Variants in FBXL7 observed in about 807,000 individuals in gnomAD.
FBXL7 encodes F-box and leucine rich repeat protein 7.
FBXL7 carries 12 observed loss-of-function variants against 38.3 expected under a neutral mutation model. The ratio of observed to expected loss-of-function variants is 0.31; its 90% CI spans 0.20 to 0.51. The LOEUF (loss-of-function observed/expected upper bound fraction) is 0.51. Ranked by LOEUF, FBXL7 falls within the 20% of genes least tolerant of loss-of-function variation. The pLI is 0.98. For synonymous variants in FBXL7, 297 were observed against 300.9 expected (o/e 0.99, Z 0.13); for missense variants, 567 against 676.4 (o/e 0.84, Z 1.79).
chr5:15,744,090 C>T (rs566043964), intron 2 of FBXL7, among the ~76,000 whole-genome samples: 4 of 152,236 alleles, frequency 2.6e-5, no homozygotes, highest in Non-Finnish European at 5.9e-5. Context: ...AGACCTCTGA[C>T]ATGTCCTGGA....
At chr5:15,599,261 G>A (rs1224129929) in intron 1 of FBXL7, among the ~76,000 whole-genome samples, 2 of 152,124 alleles carry the variant, frequency 1.3e-5, no homozygotes, top group East Asian at 1.9e-4. Flanking sequence ...AGATTCTCAA[G>A]TTCAAGTCAC....
intron 1 of FBXL7, among the ~76,000 whole-genome samples, chr5:15,571,358 CT>C (rs1738775588): frequency 6.6e-6 from 1 of 152,024 alleles, no homozygotes; most frequent in Non-Finnish European, 1.5e-5. Context: ...TGTTGGGAAT[CT>C]CCAAAAACTT....
At chr5:15,701,693 A>G (rs941416451) in intron 2 of FBXL7, among the ~76,000 whole-genome samples, 2 of 152,214 alleles carry the variant, frequency 1.3e-5, no homozygotes, top group African/African-American at 4.8e-5. Flanking sequence ...TTCATGCAAT[A>G]AAAAAATGCA....
At chr5:15,755,191 A>C (rs1736264448) in intron 2 of FBXL7, among the ~76,000 whole-genome samples, 1 of 152,224 alleles carries the variant, frequency 6.6e-6, no homozygotes, top group Non-Finnish European at 1.5e-5. Context: ...AGCCTTGAAA[A>C]AGGCTCAGCT....
intron 2 of FBXL7, among the ~76,000 whole-genome samples, chr5:15,822,196 CAAA>C (rs5866161): frequency 7.8e-5 from 10 of 128,048 alleles, no homozygotes; most frequent in Admixed American, 1.6e-4. Context: ...ACTAAAAATA[CAAA>C]AAAAAAAAAA....
chr5:15,562,049 G>T (rs1472093145), intron 1 of FBXL7, among the ~76,000 whole-genome samples: 1 of 151,902 alleles, frequency 6.6e-6, no homozygotes, highest in Admixed American at 6.6e-5. Flanking sequence ...TCAATAAATG[G>T]TACAGGGAAA....
chr5:15,534,137 G>C (rs983362581), intron 1 of FBXL7, among the ~76,000 whole-genome samples: 4 of 152,044 alleles, frequency 2.6e-5, no homozygotes, highest in Admixed American at 2.6e-4. Context: ...CCACCAGAGT[G>C]GTATGTTTGT....
chr5:15,568,949 A>C (rs556955207), intron 1 of FBXL7, among the ~76,000 whole-genome samples: 1 of 152,164 alleles, frequency 6.6e-6, no homozygotes, highest in East Asian at 1.9e-4. Context: ...ATTGGTCTAT[A>C]TCTCTGTTTT....
At chr5:15,578,998 CT>C (rs1373999302) in intron 1 of FBXL7, among the ~76,000 whole-genome samples, 2 of 152,198 alleles carry the variant, frequency 1.3e-5, no homozygotes, top group African/African-American at 4.8e-5. Flanking sequence ...GATATACAGC[CT>C]TTGCCAACCT....
intron 1 of FBXL7, chr5:15,580,876 G>A: frequency 1.1e-6 from 1 of 942,008 alleles, no homozygotes; most frequent in South Asian, 4.9e-5. Flanking sequence ...GCTGGAAGGG[G>A]CATGGAAGAC....
Position 15,925,751 on chromosome 5 carries a change from CTA to C in FBXL7, c.128-2137_128-2136del, listed in dbSNP as rs752307339. ...AATATGTATTTTGAAGATAAATGCT[CTA>C]TGTGTGGATATGTATGTGTAGCTAT... On this transcript the variant is annotated intron_variant, in intron 2 of 3. Coordinates refer to ENST00000504595, the MANE Select transcript of FBXL7 (RefSeq NM_012304.5). 1.1e-3 allele frequency among the ~76,000 whole-genome samples: 173 copies of C among 152,254 alleles called. 4 individuals are homozygous for C. In the East Asian group the frequency reaches 0.029, roughly 25 times the overall value.
intron 2 of FBXL7, among the ~76,000 whole-genome samples, chr5:15,695,633 C>T (rs1016064162): frequency 6.6e-6 from 1 of 152,188 alleles, no homozygotes; most frequent in Non-Finnish European, 1.5e-5. Context: ...GGATTTCTCC[C>T]TGTGTGTCAG....
intron 2 of FBXL7, among the ~76,000 whole-genome samples, chr5:15,783,132 C>T (rs926286832): frequency 1.3e-5 from 2 of 152,008 alleles, no homozygotes; most frequent in African/African-American, 4.8e-5. Context: ...TGCATGAGAA[C>T]GACTGTGATG....
intron 1 of FBXL7, among the ~76,000 whole-genome samples, chr5:15,515,621 A>G (rs908939655): frequency 5.9e-5 from 9 of 152,202 alleles, no homozygotes; most frequent in African/African-American, 2.2e-4. Context: ...AAGAAAAAAT[A>G]CTGAAGAAGC....
intron 2 of FBXL7, among the ~76,000 whole-genome samples, chr5:15,730,562 A>G (rs1735555132): frequency 6.6e-6 from 1 of 152,178 alleles, no homozygotes; most frequent in Admixed American, 6.5e-5. Flanking sequence ...AAAGACTTAG[A>G]ATTTCTGTCA....
In FBXL7 at chr5:15,937,244, T is replaced by A. The variant is rs1742223142; in HGVS notation, c.*58T>A. 5.5e-6 allele frequency: 8 copies of A among 1,467,040 alleles called. No homozygotes were observed. In the African/African-American group the frequency reaches 5.6e-5, roughly 10 times the overall value. 90.9% of individuals were successfully genotyped at this position (1,467,040 alleles called of 1,614,324 possible). ...CAAACCTGAACAAAGCAAATTTTTT[T>A]AAAAGCAGCGTATGTAAGCACCGAC... On this transcript the variant is annotated 3_prime_UTR_variant, in exon 4 of 4. Transcript: ENST00000504595.
chr5:15,720,827 G>A (rs1055505682), intron 2 of FBXL7, among the ~76,000 whole-genome samples: 1 of 121,916 alleles, frequency 8.2e-6, no homozygotes, highest in Non-Finnish European at 1.9e-5. Flanking sequence ...TTATTATATT[G>A]TATAAGAACA....
chr5:15,857,821 G>A (rs1739315790), intron 2 of FBXL7, among the ~76,000 whole-genome samples: 1 of 152,146 alleles, frequency 6.6e-6, no homozygotes, highest in Non-Finnish European at 1.5e-5. Flanking sequence ...TTAACTACTA[G>A]CAGACATATG....
At chr5:15,762,096 C>A (rs979052552) in intron 2 of FBXL7, among the ~76,000 whole-genome samples, 6 of 151,952 alleles carry the variant, frequency 3.9e-5, no homozygotes, top group Admixed American at 6.6e-5. Context: ...CTGTGGACAC[C>A]CAGCGTTTGA....
Sources: allele counts gnomAD v4.1 joint callset (sites outside exome capture counted in the v4.1 genomes callset), GRCh38; gene constraint gnomAD v4.1.1; transcripts MANE v1.5; gene names NCBI Gene and HGNC (gene_info 2026-07-23, HGNC 2026-07-21).